The following ARHGAP35 variants were observed in gnomAD, a reference collection of about 807,000 sequenced individuals.
The protein encoded by ARHGAP35 is rho GTPase-activating protein 35.
Under a neutral mutation model 111.1 loss-of-function variants are expected in ARHGAP35, and 15 were observed. That is an observed-to-expected ratio of 0.13 (90% confidence interval 0.09 to 0.21). The LOEUF (loss-of-function observed/expected upper bound fraction) is 0.21. Among genes scored for constraint, ARHGAP35 ranks in the 10% least tolerant of loss-of-function variants. ARHGAP35 has a pLI of 1.00. For missense variants in ARHGAP35, 1,262 were observed against 1,873.0 expected (o/e 0.67, Z 6.02); for synonymous variants, 643 against 710.3 (o/e 0.91, Z 1.51).
At chr19:46,877,271 G>T (rs1413551677) in intron 1 of ARHGAP35, among the ~76,000 whole-genome samples, 6 of 114,146 alleles carry the variant, frequency 5.3e-5, no homozygotes, top group Non-Finnish European at 1.1e-4. Flanking sequence ...AAAAAAAAAA[G>T]TTATGTTTTG....
At chr19:46,957,474 A>C (rs926952085) in intron 3 of ARHGAP35, among the ~76,000 whole-genome samples, 30 of 152,028 alleles carry the variant, frequency 2.0e-4, no homozygotes, top group South Asian at 8.3e-4. Context: ...TTTGCCAGGC[A>C]TGGTAGTATG....
chr19:46,915,756 G>C (rs1485560434), intron 1 of ARHGAP35, among the ~76,000 whole-genome samples: 1 of 152,120 alleles, frequency 6.6e-6, no homozygotes, highest in Non-Finnish European at 1.5e-5. Context: ...TTATATTGGA[G>C]TATCTAAGTA....
chr19:46,980,279 G>A (rs957871324), intron 3 of ARHGAP35, among the ~76,000 whole-genome samples: 1 of 152,148 alleles, frequency 6.6e-6, no homozygotes, highest in African/African-American at 2.4e-5. Context: ...CAGCTACTCG[G>A]GAGGCTGAAG....
intron 3 of ARHGAP35, among the ~76,000 whole-genome samples, chr19:46,982,153 A>C (rs2056624275): frequency 6.6e-6 from 1 of 150,722 alleles, no homozygotes; most frequent in African/African-American, 2.4e-5. Context: ...TGCCCTGCCA[A>C]AGTATTTTTG....
chr19:46,861,577 C>A (rs1463997108), intron 1 of ARHGAP35, among the ~76,000 whole-genome samples: 1 of 151,226 alleles, frequency 6.6e-6, no homozygotes, highest in Non-Finnish European at 1.5e-5. Flanking sequence ...CTCCATAATG[C>A]CCTTCGCTCC....
chr19:46,862,293 C>G (rs1205022615), intron 1 of ARHGAP35, among the ~76,000 whole-genome samples: 1 of 152,100 alleles, frequency 6.6e-6, no homozygotes, highest in Non-Finnish European at 1.5e-5. Context: ...AGTTTCAGCC[C>G]GTGTTCTCTT....
At chr19:46,894,605 C>T (rs537761331) in intron 1 of ARHGAP35, among the ~76,000 whole-genome samples, 1 of 152,058 alleles carries the variant, frequency 6.6e-6, no homozygotes, top group South Asian at 2.1e-4. Flanking sequence ...GCCACCACAC[C>T]CAGCTAATTT....
chr19:46,949,675 G>A (rs914079675), intron 3 of ARHGAP35, among the ~76,000 whole-genome samples: 1 of 152,188 alleles, frequency 6.6e-6, no homozygotes, highest in Non-Finnish European at 1.5e-5. Context: ...GGAGTAGCTG[G>A]CCAACCATAG....
chr19:46,866,142 G>C (rs2055855327), intron 1 of ARHGAP35, among the ~76,000 whole-genome samples: 2 of 152,110 alleles, frequency 1.3e-5, no homozygotes, highest in African/African-American at 2.4e-5. Context: ...CGCCTGGCCT[G>C]TTTTTCCCTT....
intron 3 of ARHGAP35, among the ~76,000 whole-genome samples, 162 bp downstream of exon 3, chr19:46,937,570 T>G (rs1424925321): frequency 6.7e-6 from 1 of 150,094 alleles, no homozygotes; most frequent in Non-Finnish European, 1.5e-5. Flanking sequence ...GTGTAGATTC[T>G]CCATTTGTGT....
intron 1 of ARHGAP35, among the ~76,000 whole-genome samples, chr19:46,896,824 T>G (rs964369863): frequency 1.3e-5 from 2 of 152,182 alleles, no homozygotes; most frequent in East Asian, 3.9e-4. Flanking sequence ...TTTCCTATGG[T>G]AAGGTTTTTA....
intron 1 of ARHGAP35, among the ~76,000 whole-genome samples, chr19:46,881,199 C>G (rs2055960902): frequency 1.3e-5 from 2 of 152,108 alleles, no homozygotes; most frequent in Admixed American, 6.6e-5. Flanking sequence ...CTCGGCCTCC[C>G]AAAGTGCAGG....
intron 1 of ARHGAP35, among the ~76,000 whole-genome samples, chr19:46,866,679 C>G (rs753154350): frequency 3.9e-5 from 6 of 152,060 alleles, no homozygotes; most frequent in Non-Finnish European, 8.8e-5. Flanking sequence ...CATCAAGTCC[C>G]GTAACCCAGA....
At chr19:46,968,889 C>T (rs1457952138) in intron 3 of ARHGAP35, among the ~76,000 whole-genome samples, 2 of 152,124 alleles carry the variant, frequency 1.3e-5, no homozygotes, top group Non-Finnish European at 2.9e-5. Context: ...GAGTTCAAGA[C>T]CATCCTGGCC....
intron 1 of ARHGAP35, among the ~76,000 whole-genome samples, chr19:46,861,714 C>T (rs969708988): frequency 2.0e-5 from 3 of 152,142 alleles, no homozygotes; most frequent in Admixed American, 2.0e-4. Context: ...TCTCACCACC[C>T]TTCAGATCTG....
chr19:46,868,684 G>A (rs2055870937), intron 1 of ARHGAP35, among the ~76,000 whole-genome samples: 1 of 152,138 alleles, frequency 6.6e-6, no homozygotes, highest in Admixed American at 6.5e-5. Context: ...GTCATGTAAT[G>A]ACTCCTTAAA....
intron 2 of ARHGAP35, among the ~76,000 whole-genome samples, chr19:46,927,798 ACT>A (rs1210726437): frequency 1.3e-5 from 2 of 152,142 alleles, no homozygotes; most frequent in Non-Finnish European, 2.9e-5. Context: ...GAGTGTAGCC[ACT>A]GAGTGGAAGA....
Position 46,919,969 on chromosome 19 carries a change from A to G in ARHGAP35, c.1294A>G (p.Met432Val). 6.2e-7 allele frequency: 1 copy of G among 1,613,986 alleles called. No homozygotes were observed. The highest frequency in any genetic ancestry group is 8.5e-7 in the Non-Finnish European group (1 of 1,179,894). The change falls in exon 2 of 7, where the codon ATG (methionine) becomes GTG (valine). Residue 432 changes from methionine (M) to valine (V), a missense_variant. Met to Val is a conservative substitution (Grantham distance 21). This residue lies in a region of ARHGAP35 where 328 missense variants were observed against 440.8 expected (regional missense o/e 0.74). Transcript: ENST00000672722. The surrounding 1 kb of genome is among the most constrained non-coding windows in gnomAD (Gnocchi z 6.2). ...KLRNERKRVE[M>V]RRAFKENLET... ...GAGGAACGAAAGGAAAAGAGTTGAG[A>G]TGCGAAGGGCGTTTAAAGAAAACCT...
intron 3 of ARHGAP35, among the ~76,000 whole-genome samples, chr19:46,962,707 A>T (rs2056491597): frequency 6.6e-6 from 1 of 152,146 alleles, no homozygotes. Flanking sequence ...CCCAGGTTCC[A>T]GTGATTCTCC....
Sources: gnomAD v4.1 joint callset for allele counts (sites outside exome capture counted in the v4.1 genomes callset) on GRCh38, gnomAD v4.1.1 for gene constraint, gnomAD v4.1.1 regional missense constraint, Gnocchi (gnomAD v3.1) non-coding constraint, MANE v1.5 for transcripts, NCBI Gene and HGNC (gene_info 2026-07-23, HGNC 2026-07-21) for gene names.